TRIP13: variants seen among roughly 807,000 people sequenced by gnomAD.
TRIP13 encodes pachytene checkpoint protein 2 homolog.
TRIP13 carries 25 observed loss-of-function variants against 54.4 expected under a neutral mutation model. That is an observed-to-expected ratio of 0.46 (90% CI 0.33 to 0.64). The LOEUF (loss-of-function observed/expected upper bound fraction) is 0.64. TRIP13 is among the 30% of genes least tolerant of loss of function. The pLI is 0.02. For missense variants in TRIP13, 373 were observed against 534.2 expected (o/e 0.70, Z 2.97); for synonymous variants, 207 against 207.8 (o/e 1.00, Z 0.03).
intron 9 of TRIP13, among the ~76,000 whole-genome samples, chr5:909,421 G>A (rs906692078): frequency 6.6e-6 from 1 of 152,214 alleles, no homozygotes; most frequent in African/African-American, 2.4e-5. Flanking sequence ...TGGGGTGACA[G>A]CAGACTGAAC....
rs1253211922 is a variant in TRIP13 at position 913,231 on chromosome 5, G to T, written c.1021-1234G>T. Among the ~76,000 whole-genome samples, 1 of 152,236 alleles carries T rather than the reference G, an allele frequency of 6.6e-6. No homozygotes were observed. The highest frequency in any genetic ancestry group is 1.5e-5 in the Non-Finnish European group (1 of 68,044). On this transcript the variant is annotated intron_variant, in intron 10 of 12. Coordinates refer to ENST00000166345, the MANE Select transcript of TRIP13 (RefSeq NM_004237.4). This position sits in a 1 kb window ranked among gnomAD's most constrained non-coding sequence, Gnocchi z 4.5. ...AGGTCCTCACGCACCTTCAGTGTGGGTTCCAGCCCTCGCAGTGTGACGTTT... is the reference window on the plus strand; with the variant it reads ...AGGTCCTCACGCACCTTCAGTGTGGTTTCCAGCCCTCGCAGTGTGACGTTT...
chr5:915,926 C>T lies in TRIP13; in HGVS notation c.1156C>T (p.Arg386Trp), dbSNP rs751170326. Residue 386 changes from arginine to tryptophan, a missense_variant, in exon 12 of 13, where the codon CGG becomes TGG. By Grantham distance (101) the Arg-to-Trp change is moderately radical (BLOSUM62 -3). Transcript: ENST00000166345. This position sits in a 1 kb window ranked among gnomAD's most constrained non-coding sequence, Gnocchi z 4.2. ...CAGGAAGAGCGAGGGCCTCAGCGGCCGGGTCCTGAGAAAACTCCCCTTTCT... is the reference window on the plus strand; with the variant it reads ...CAGGAAGAGCGAGGGCCTCAGCGGCTGGGTCCTGAGAAAACTCCCCTTTCT... Reference protein sequence around the residue: ...ISRKSEGLSGRVLRKLPFLAH... With the variant: ...ISRKSEGLSGWVLRKLPFLAH... 2 of 1,614,110 alleles carry T rather than the reference C, an allele frequency of 1.2e-6. No individual in the cohort carries two copies. The highest frequency in any genetic ancestry group is 8.5e-7 in the Non-Finnish European group (1 of 1,180,004).
At chr5:910,711 C>G (rs1326562266) in intron 9 of TRIP13, among the ~76,000 whole-genome samples, 1 of 152,226 alleles carries the variant, frequency 6.6e-6, no homozygotes, top group Non-Finnish European at 1.5e-5. Context: ...TTCTGTCCCC[C>G]ACCAGTCCTG....
Position 908,405 on chromosome 5 carries a change from A to G in TRIP13, c.810A>G (p.Pro270=). ...ATGCCTGCAGGGCGGGCACCGAGCCATCAGATGCCATCCGCGTGGTCAATG... is the reference window on the plus strand; with the variant it reads ...ATGCCTGCAGGGCGGGCACCGAGCCGTCAGATGCCATCCGCGTGGTCAATG... ...ARNACRAGTE[P]SDAIRVVNAV... Residue 270 remains proline (P), a synonymous_variant, in exon 9 of 13, where the codon CCA becomes CCG. Coordinates refer to ENST00000166345, the MANE Select transcript of TRIP13 (RefSeq NM_004237.4). The surrounding 1 kb of genome is among the most constrained non-coding windows in gnomAD (Gnocchi z 5.2). The G allele has an allele frequency of 6.2e-6, 10 of 1,613,646 alleles. No individual in the cohort carries two copies. The highest frequency in any genetic ancestry group is 7.6e-6 in the Non-Finnish European group (9 of 1,180,030).
intron 1 of TRIP13, among the ~76,000 whole-genome samples, chr5:893,917 T>C (rs1753797049): frequency 6.6e-6 from 1 of 152,170 alleles, no homozygotes; most frequent in East Asian, 1.9e-4. Flanking sequence ...GAGACACCTG[T>C]ACACAGTGCC....
At chr5:916,534 G>T (rs1013423187) in intron 12 of TRIP13, among the ~76,000 whole-genome samples, 3 of 152,262 alleles carry the variant, frequency 2.0e-5, no homozygotes, top group African/African-American at 7.2e-5. Flanking sequence ...ATCAGTAGCA[G>T]CCTCTGTGCT....
chr5:917,910 C>T lies in TRIP13; in HGVS notation c.*807C>T, dbSNP rs1038941439. On this transcript the variant is annotated 3_prime_UTR_variant, in exon 13 of 13. Transcript: ENST00000166345. ...TAGGTCAGTTACTGGTCTCTTTCTC[C>T]GAATGTTATGTTTTGCTTTTATCTC... 3 of 152,000 alleles carry T rather than the reference C, an allele frequency of 2.0e-5. No individual in the cohort carries two copies. The highest frequency in any genetic ancestry group is 2.9e-5 in the Non-Finnish European group (2 of 68,006). The allele number at this position is 152,000 out of a possible 1,614,324, so 9.4% of individuals were successfully genotyped here. A position where few individuals can be genotyped will look rare whatever the true frequency, so the allele number is the denominator to read the frequency against.
chr5:916,075 T>G, intron 12 of TRIP13, 102 bp downstream of exon 12: 1 of 1,250,336 alleles, frequency 8.0e-7, no homozygotes, highest in South Asian at 1.2e-5. Flanking sequence ...TCATTTTATC[T>G]CAGTTTCTAA....
intron 5 of TRIP13, among the ~76,000 whole-genome samples, chr5:903,703 G>T (rs1754045455): frequency 1.3e-5 from 2 of 152,046 alleles, no homozygotes; most frequent in Admixed American, 1.3e-4. Context: ...GGGGCAACAG[G>T]AATAACACAT....
chr5:900,642 G>C, intron 4 of TRIP13, 93 bp downstream of exon 4: 1 of 1,425,342 alleles, frequency 7.0e-7, no homozygotes, highest in Admixed American at 2.2e-5. Flanking sequence ...ACTTGATGCA[G>C]ATGGGTTTTT....
chr5:916,016 G>T (rs1425716769), intron 12 of TRIP13, 43 bp downstream of exon 12: 3 of 1,592,380 alleles, frequency 1.9e-6, no homozygotes, highest in African/African-American at 2.7e-5. Context: ...CCTGTCCACA[G>T]GTCTCAGCCT....
intron 2 of TRIP13, among the ~76,000 whole-genome samples, chr5:895,268 T>C (rs1467501195): frequency 6.6e-6 from 1 of 152,194 alleles, no homozygotes; most frequent in Non-Finnish European, 1.5e-5. Context: ...CAAATGTTTA[T>C]AAAGTGCTCA....
intron 3 of TRIP13, 63 bp from the exon 4 acceptor site, chr5:900,431 G>T: frequency 6.4e-7 from 1 of 1,554,820 alleles, no homozygotes; most frequent in South Asian, 1.1e-5. Context: ...AGGGGAGACT[G>T]ACTGGGGGTG....
Position 917,617 on chromosome 5 carries a change from A to T in TRIP13, c.*514A>T, listed in dbSNP as rs1038993224. 5.2e-5 allele frequency: 8 copies of T among 152,556 alleles called. No individual in the cohort carries two copies. The highest frequency in any genetic ancestry group is 1.9e-4 in the East Asian group (1 of 5,202). 9.5% of individuals were successfully genotyped at this position (152,556 alleles called of 1,614,324 possible). On this transcript the variant is annotated 3_prime_UTR_variant, in exon 13 of 13. Transcript: ENST00000166345. The stretch of plus-strand genomic sequence containing the variant: ...GCAAAAATGTTTTCAAGACTATTTA[A>T]TGGATGTAAAAAAGCCTATTTCTAC...
intron 5 of TRIP13, among the ~76,000 whole-genome samples, chr5:903,118 A>C (rs1033904655): frequency 2.0e-5 from 3 of 152,008 alleles, no homozygotes; most frequent in Non-Finnish European, 4.4e-5. Flanking sequence ...GGAGGGGTAG[A>C]GTCTTCTCTA....
intron 6 of TRIP13, among the ~76,000 whole-genome samples, chr5:904,646 ATGT>A (rs1257460947): frequency 1.3e-5 from 2 of 149,634 alleles, no homozygotes; most frequent in African/African-American, 2.5e-5. Context: ...AGACTGTTTG[ATGT>A]TGTTCCACAG....
Position 905,255 on chromosome 5 carries a change from C to T in TRIP13, c.608+1035C>T, listed in dbSNP as rs951792322. 4.6e-5 allele frequency among the ~76,000 whole-genome samples: 7 copies of T among 152,274 alleles called. 1 individual carries two copies. The highest frequency in any genetic ancestry group is 3.3e-4 in the Admixed American group (5 of 15,302). On this transcript the variant is annotated intron_variant, in intron 6 of 12. Coordinates refer to ENST00000166345, the MANE Select transcript of TRIP13 (RefSeq NM_004237.4). ...GATCCGTGGGCACTCTCCACTCTGG[C>T]GGTCGGAGTATGCACTCCTCTCAGC...
At chr5:901,471 T>C in intron 5 of TRIP13, 40 bp downstream of exon 5, 1 of 1,597,204 alleles carries the variant, frequency 6.3e-7, no homozygotes, top group African/African-American at 1.3e-5. Flanking sequence ...ATAAGTGGCA[T>C]GAAATTTAGC....
rs774037303 is a variant in TRIP13, at chr5:892,973, G to C, written c.-26G>C. On this transcript the variant is annotated 5_prime_UTR_variant, in exon 1 of 13. Transcript: ENST00000166345. ...AGGTGGCGGCGGCCGCGCCCTGGTT[G>C]GGTCCCCACTGCTCTCGGGGGCGCC... The C allele has an allele frequency of 4.6e-6, 7 of 1,511,470 alleles. No individual in the cohort carries two copies. The highest frequency in any genetic ancestry group is 6.2e-6 in the Non-Finnish European group (7 of 1,134,876). The allele number at this position is 1,511,470 out of a possible 1,614,324, so 93.6% of individuals were successfully genotyped here.
Sources: allele counts gnomAD v4.1 joint callset (sites outside exome capture counted in the v4.1 genomes callset), GRCh38; gene constraint gnomAD v4.1.1; non-coding constraint Gnocchi (gnomAD v3.1); transcripts MANE v1.5; gene names NCBI Gene and HGNC (gene_info 2026-07-23, HGNC 2026-07-21).